CTNNA2: variants seen among roughly 807,000 people sequenced by gnomAD.
CTNNA2 encodes catenin alpha 2, also known as catenin alpha-2.
CTNNA2 carries 42 observed loss-of-function variants against 101.0 expected under a neutral mutation model. The ratio of observed to expected loss-of-function variants is 0.42; its 90% CI spans 0.32 to 0.54. The LOEUF is 0.54. CTNNA2 is among the 20% of genes least tolerant of loss of function. CTNNA2 has a pLI of 0.14. For missense variants in CTNNA2, 871 were observed against 1,223.1 expected (o/e 0.71, Z 4.29); for synonymous variants, 450 against 456.4 (o/e 0.99, Z 0.18).
chr2:80,189,902 G>A (rs546127719), intron 7 of CTNNA2, among the ~76,000 whole-genome samples: 51 of 152,210 alleles, frequency 3.4e-4, no homozygotes, highest in African/African-American at 1.2e-3. Context: ...TTGTGTGTGT[G>A]TTTAATCCTC....
At chr2:79,437,232 CAAAA>C (rs70940035) in intron 4 of CTNNA2, among the ~76,000 whole-genome samples, 1 of 140,466 alleles carries the variant, frequency 7.1e-6, no homozygotes, top group African/African-American at 2.7e-5. Context: ...GAAACTGTCT[CAAAA>C]AAAAAAAAAA....
intron 3 of CTNNA2, among the ~76,000 whole-genome samples, chr2:79,753,218 G>T (rs1672160997): frequency 6.6e-6 from 1 of 152,140 alleles, no homozygotes; most frequent in Admixed American, 6.5e-5. Flanking sequence ...CAATTTTTAT[G>T]AGGCATAATT....
chr2:79,696,474 A>C (rs1407887714), intron 2 of CTNNA2, among the ~76,000 whole-genome samples: 1 of 152,030 alleles, frequency 6.6e-6, no homozygotes, highest in Non-Finnish European at 1.5e-5. Context: ...GAAGCAGGAA[A>C]ATGTTTACGG....
chr2:79,297,655 C>T (rs543269582), intron 2 of CTNNA2, among the ~76,000 whole-genome samples: 2 of 152,296 alleles, frequency 1.3e-5, no homozygotes, highest in South Asian at 2.1e-4. Context: ...AAGACAAATT[C>T]ATTCCAACTA....
chr2:79,831,267 T>C (rs2105427095), intron 3 of CTNNA2, among the ~76,000 whole-genome samples: 1 of 152,298 alleles, frequency 6.6e-6, no homozygotes, highest in East Asian at 1.9e-4. Flanking sequence ...TAAAATAAAT[T>C]TGGAAATAAG....
chr2:80,200,446 C>A (rs1356248509), intron 7 of CTNNA2, among the ~76,000 whole-genome samples: 2 of 152,096 alleles, frequency 1.3e-5, no homozygotes, highest in East Asian at 3.9e-4. Flanking sequence ...CACCATACTA[C>A]TTTGTATGAG....
intron 9 of CTNNA2, among the ~76,000 whole-genome samples, chr2:80,533,732 T>C (rs1690743081): frequency 6.6e-6 from 1 of 152,158 alleles, no homozygotes; most frequent in Non-Finnish European, 1.5e-5. Context: ...TTTACTTACA[T>C]GAGATGCTGA....
At chr2:80,017,059 C>T (rs1018341136) in intron 7 of CTNNA2, among the ~76,000 whole-genome samples, 5 of 152,256 alleles carry the variant, frequency 3.3e-5, no homozygotes, top group East Asian at 1.9e-4. Flanking sequence ...AAGGCAAAAA[C>T]GTTGGGCCAA....
intron 7 of CTNNA2, among the ~76,000 whole-genome samples, chr2:80,122,747 G>C (rs751623739): frequency 6.6e-6 from 1 of 152,122 alleles, no homozygotes; most frequent in Non-Finnish European, 1.5e-5. Flanking sequence ...AAAAGTGTGT[G>C]TGTGCGCATG....
intron 9 of CTNNA2, among the ~76,000 whole-genome samples, chr2:80,535,070 A>G (rs1052365783): frequency 1.3e-5 from 2 of 152,196 alleles, no homozygotes; most frequent in Admixed American, 6.5e-5. Flanking sequence ...AAGAATTATA[A>G]CTTGAGAATT....
chr2:79,450,456 C>G (rs577868269), intron 4 of CTNNA2, among the ~76,000 whole-genome samples: 6 of 152,082 alleles, frequency 3.9e-5, no homozygotes, highest in Non-Finnish European at 7.4e-5. Flanking sequence ...CATGGCCACT[C>G]TAACAGTGGC....
intron 2 of CTNNA2, among the ~76,000 whole-genome samples, chr2:79,276,424 T>A (rs1381707699): frequency 6.6e-6 from 1 of 152,100 alleles, no homozygotes; most frequent in Non-Finnish European, 1.5e-5. Flanking sequence ...CTTGGGCACA[T>A]AAAAGTAAAT....
rs180745633 is a variant in CTNNA2 at position 80,240,740 on chromosome 2, A to G, written c.1057-152471A>G. On this transcript the variant is annotated intron_variant, in intron 7 of 18. Coordinates refer to ENST00000402739, the MANE Select transcript of CTNNA2 (RefSeq NM_001282597.3). ...AGAAGATCTCATATGGGAATGTAAG[A>G]TCATTAAAATCTTCACTGTGGAGCC... Among the ~76,000 whole-genome samples, 375 of 152,282 alleles carry G rather than the reference A, an allele frequency of 2.5e-3. 2 individuals carry two copies. Among genetic ancestry groups the G allele is most frequent in the Non-Finnish European group, 1.5e-3 (100 of 68,030 alleles).
At chr2:80,557,114 A>T (rs1186880890) in intron 12 of CTNNA2, among the ~76,000 whole-genome samples, 1 of 152,236 alleles carries the variant, frequency 6.6e-6, no homozygotes, top group Non-Finnish European at 1.5e-5. Context: ...GCAGAAACAG[A>T]ATAGTGTGGT....
chr2:79,288,758 C>T (rs116592723), intron 2 of CTNNA2, among the ~76,000 whole-genome samples: 3 of 152,242 alleles, frequency 2.0e-5, no homozygotes, highest in African/African-American at 7.2e-5. Context: ...AGTAATACTT[C>T]TAATGTATTC....
Position 79,277,147 on chromosome 2 carries a change from C to T in CTNNA2, c.-405-35562C>T, listed in dbSNP as rs941683704. Among the ~76,000 whole-genome samples the T allele has an allele frequency of 2.8e-4, 42 of 152,246 alleles. 1 individual carries two copies. The highest frequency in any genetic ancestry group is 1.0e-3 in the African/African-American group (42 of 41,556). On this transcript the variant is annotated intron_variant, in intron 2 of 21. Coordinates refer to the CTNNA2 transcript ENST00000466387. ...TAAATCCTCAGTTCCTTGGATGATA[C>T]TTTAAACTCTCTCCCACCTCTGCTT...
chr2:80,212,128 G>A (rs1237267723), intron 7 of CTNNA2, among the ~76,000 whole-genome samples: 1 of 152,170 alleles, frequency 6.6e-6, no homozygotes, highest in African/African-American at 2.4e-5. Context: ...CGGAGACAAT[G>A]GGGTTTTCTA....
intron 3 of CTNNA2, among the ~76,000 whole-genome samples, chr2:79,336,004 C>T (rs1676986370): frequency 6.6e-6 from 1 of 152,166 alleles, no homozygotes; most frequent in African/African-American, 2.4e-5. Flanking sequence ...GTAAGAAATA[C>T]TGCAATAAAT....
At chr2:79,828,722 A>G (rs1303772854) in intron 3 of CTNNA2, among the ~76,000 whole-genome samples, 3 of 152,208 alleles carry the variant, frequency 2.0e-5, no homozygotes, top group African/African-American at 7.2e-5. Context: ...TCTGCCACAT[A>G]TTAGCTCTGG....
Sources: allele counts gnomAD v4.1 joint callset (sites outside exome capture counted in the v4.1 genomes callset), GRCh38; gene constraint gnomAD v4.1.1; transcripts MANE v1.5; gene names NCBI Gene and HGNC (gene_info 2026-07-23, HGNC 2026-07-21).